The following DOP1B variants were observed in gnomAD, a reference collection of about 807,000 sequenced individuals.
DOP1B encodes the protein protein DOP1B.
Under a neutral mutation model 233.5 loss-of-function variants are expected in DOP1B, and 174 were observed. That is an observed-to-expected ratio of 0.75 (90% confidence interval 0.66 to 0.85). DOP1B has a LOEUF of 0.85. Ranked by LOEUF, DOP1B falls within the 40% of genes least tolerant of loss-of-function variation. The pLI is 0.00. For synonymous variants in DOP1B, 1,190 were observed against 1,185.6 expected (o/e 1.00, Z -0.08); for missense variants, 2,652 against 2,846.6 (o/e 0.93, Z 1.56).
At position 36,163,359 on chromosome 21, in the gene DOP1B, AG is replaced by A. The variant is rs201554731; in HGVS notation, c.-26-1348del. 6.8e-4 allele frequency among the ~76,000 whole-genome samples: 97 copies of A among 142,744 alleles called. 7 individuals carry two copies. Among genetic ancestry groups the A allele is most frequent in the East Asian group, 6.2e-4 (3 of 4,844 alleles). 93.6% of individuals were successfully genotyped at this position (142,744 alleles called of 152,430 possible). On this transcript the variant is annotated intron_variant, in intron 1 of 36. Coordinates refer to ENST00000691173, the MANE Select transcript of DOP1B (RefSeq NM_001320714.2). ...GACTCTGTCTCAAAAAAAAAAAAAA[AG>A]AAAGAAAGAAAGTAGTGGTGGCCTG... is the stretch of plus-strand genomic sequence containing the variant.
intron 2 of DOP1B, among the ~76,000 whole-genome samples, chr21:36,178,732 G>C (rs943957052): frequency 6.6e-6 from 1 of 152,228 alleles, no homozygotes; most frequent in Non-Finnish European, 1.5e-5. Context: ...ATTCAAGCTT[G>C]TATTTGAGTC....
At chr21:36,223,860 G>A (rs924154808) in intron 11 of DOP1B, among the ~76,000 whole-genome samples, 4 of 152,078 alleles carry the variant, frequency 2.6e-5, no homozygotes, top group African/African-American at 7.2e-5. Flanking sequence ...CAGGAATACC[G>A]AGCTTTCCTG....
rs369039333 is a variant in DOP1B, at chr21:36,177,464, G to C, written c.138+12593G>C. On this transcript the variant is annotated intron_variant, in intron 2 of 36. Coordinates refer to ENST00000691173, the MANE Select transcript of DOP1B (RefSeq NM_001320714.2). ...TTTCAGGTCTGCTGTGGGGCTGGAG[G>C]TAGTCCAGATTTAGAGATGAATTAT... is the stretch of plus-strand genomic sequence containing the variant. Among the ~76,000 whole-genome samples, 5 of 152,318 alleles carry C rather than the reference G, an allele frequency of 3.3e-5. No homozygotes were observed. The East Asian group carries it at 9.6e-4, about 29-fold the overall frequency.
intron 3 of DOP1B, among the ~76,000 whole-genome samples, chr21:36,199,453 T>A (rs532825406): frequency 3.4e-4 from 52 of 150,918 alleles, no homozygotes; most frequent in African/African-American, 1.1e-3. Flanking sequence ...TTTTTTTTTT[T>A]AAATTTAAGT....
intron 7 of DOP1B, among the ~76,000 whole-genome samples, chr21:36,213,695 C>T (rs1003573419): frequency 3.3e-5 from 5 of 151,780 alleles, no homozygotes; most frequent in Non-Finnish European, 7.4e-5. Context: ...TGCGCCATCA[C>T]GCCCGGCTAA....
intron 2 of DOP1B, chr21:36,169,133 G>T: frequency 2.2e-6 from 2 of 901,992 alleles, no homozygotes; most frequent in Non-Finnish European, 3.7e-6. Context: ...CACCAGCAAA[G>T]ATGTGCAGAG....
chr21:36,258,896 C>T (rs1387831261), intron 23 of DOP1B, among the ~76,000 whole-genome samples: 2 of 151,940 alleles, frequency 1.3e-5, no homozygotes, highest in African/African-American at 4.8e-5. Context: ...CGGATGACTT[C>T]CACAGTATTT....
intron 26 of DOP1B, among the ~76,000 whole-genome samples, chr21:36,267,796 C>T (rs1339995710): frequency 2.0e-5 from 3 of 151,942 alleles, no homozygotes; most frequent in Non-Finnish European, 1.5e-5. Context: ...GGTGACATCA[C>T]GTATCAGTAG....
At chr21:36,257,757 GGTAGGTAGGTAGAGAGAT>G (rs1436028008) in intron 23 of DOP1B, among the ~76,000 whole-genome samples, 1 of 144,304 alleles carries the variant, frequency 6.9e-6, no homozygotes, top group African/African-American at 2.8e-5. Context: ...GGTAGATGTA[GGTAGGTAGGTAGAGAGAT>G]GTAGGTAGGT....
chr21:36,200,056 G>C (rs2066343098), intron 3 of DOP1B, among the ~76,000 whole-genome samples: 1 of 152,218 alleles, frequency 6.6e-6, no homozygotes, highest in Non-Finnish European at 1.5e-5. Context: ...CCCACCAACA[G>C]TGTGAAAGTG....
At chr21:36,213,196 T>G (rs889676218) in intron 7 of DOP1B, among the ~76,000 whole-genome samples, 4 of 152,222 alleles carry the variant, frequency 2.6e-5, no homozygotes, top group African/African-American at 9.6e-5. Context: ...CTAAGGATTT[T>G]AAGAAGACTA....
At chr21:36,165,274 A>T (rs1354757858) in intron 2 of DOP1B, among the ~76,000 whole-genome samples, 1 of 152,198 alleles carries the variant, frequency 6.6e-6, no homozygotes, top group Non-Finnish European at 1.5e-5. Flanking sequence ...TGTTCTTTGT[A>T]TACTCCTTAG....
chr21:36,184,459 T>C (rs547111149), intron 2 of DOP1B, among the ~76,000 whole-genome samples: 1 of 152,248 alleles, frequency 6.6e-6, no homozygotes, highest in East Asian at 1.9e-4. Context: ...GCTGGGATCA[T>C]AGGCATGAGC....
chr21:36,216,917 A>T (rs1014591813), intron 9 of DOP1B, among the ~76,000 whole-genome samples: 6 of 152,138 alleles, frequency 3.9e-5, no homozygotes, highest in African/African-American at 1.4e-4. Context: ...TCTACTAAAA[A>T]TACAAAAATT....
At chr21:36,158,618 C>T (rs936166195) in intron 1 of DOP1B, among the ~76,000 whole-genome samples, 39 of 152,088 alleles carry the variant, frequency 2.6e-4, no homozygotes, top group African/African-American at 9.4e-4. Context: ...TCCTGGCCAA[C>T]ATGATGAAAC....
intron 24 of DOP1B, among the ~76,000 whole-genome samples, chr21:36,263,045 G>A (rs1417432802): frequency 6.6e-6 from 1 of 151,804 alleles, no homozygotes; most frequent in Non-Finnish European, 1.5e-5. Flanking sequence ...GATCAGCCTG[G>A]GCAACACGGT....
intron 32 of DOP1B, among the ~76,000 whole-genome samples, chr21:36,286,645 C>T (rs1209070492): frequency 1.9e-5 from 1 of 52,010 alleles, no homozygotes; most frequent in East Asian, 2.3e-4. Context: ...CAAAAACACA[C>T]ACACACACAC....
intron 2 of DOP1B, among the ~76,000 whole-genome samples, chr21:36,181,846 G>A (rs1262167957): frequency 8.3e-6 from 1 of 121,054 alleles, no homozygotes; most frequent in Non-Finnish European, 1.7e-5. Context: ...TAATGGAAGG[G>A]TCTGTAGTGT....
chr21:36,198,924 A>G, intron 2 of DOP1B, 146 bp from the exon 3 acceptor site: 1 of 794,694 alleles, frequency 1.3e-6, no homozygotes, highest in Non-Finnish European at 1.9e-6. Context: ...CTCGCCATGC[A>G]GTCCCTCTGC....
Sources: gnomAD v4.1 joint callset for allele counts (sites outside exome capture counted in the v4.1 genomes callset) on GRCh38, gnomAD v4.1.1 for gene constraint, MANE v1.5 for transcripts, NCBI Gene and HGNC (gene_info 2026-07-23, HGNC 2026-07-21) for gene names.